Variants in CYP2W1 observed in about 807,000 individuals in gnomAD.
CYP2W1 encodes cytochrome P450 family 2 subfamily W member 1.
A neutral mutation model predicts 44.9 loss-of-function variants in CYP2W1; 51 were observed. The ratio of observed to expected loss-of-function variants is 1.14; its 90% CI spans 0.91 to 1.43. The LOEUF (loss-of-function observed/expected upper bound fraction) is 1.43, where lower values mean the gene tolerates loss of function less well. Ranked by LOEUF, CYP2W1 falls within the 40% of genes most tolerant of loss-of-function variation. The pLI is 0.00. For missense variants in CYP2W1, 746 were observed against 700.0 expected (o/e 1.07, Z -0.74); for synonymous variants, 383 against 338.3 (o/e 1.13, Z -1.45).
At position 987,263 on chromosome 7, in the gene CYP2W1, G is replaced by A. The variant is rs61420495; in HGVS notation, c.958+18G>A. On this transcript the variant is annotated intron_variant, in intron 6 of 8. Coordinates refer to ENST00000308919, the MANE Select transcript of CYP2W1 (RefSeq NM_017781.3). ...CGTGCAGGGTGAGACCCCGGCGCCTGGCGAGACGGCTCCTTCTGCCCCCGG... is the reference window on the plus strand; with the variant it reads ...CGTGCAGGGTGAGACCCCGGCGCCTAGCGAGACGGCTCCTTCTGCCCCCGG... The A allele has an allele frequency of 5.5e-3, 8,230 of 1,506,130 alleles. 249 individuals are homozygous for A. The African/African-American group carries it at 0.077, about 14-fold the overall frequency. The allele number at this position is 1,506,130 out of a possible 1,614,324, so 93.3% of individuals were successfully genotyped here.
chr7:985,020 G>A lies in CYP2W1; in HGVS notation c.408G>A (p.Leu136=), dbSNP rs757535411. 1.9e-6 allele frequency: 3 copies of A among 1,612,078 alleles called. No homozygotes were observed. The highest frequency in any genetic ancestry group is 1.1e-5 in the South Asian group (1 of 91,080). The change falls in exon 3 of 9, where the codon CTG becomes CTA. Residue 136 remains leucine, a synonymous_variant. Transcript: ENST00000308919. ...TCACGGTGCGTGCCCTGCACAGCCT[G>A]GGCGTGGGCCGGGAGCCGGTGGCTG... ...RQFTVRALHS[L]GVGREPVADK... is the part of the protein sequence containing the mutation.
chr7:986,757 C>T lies in CYP2W1; in HGVS notation c.779C>T (p.Pro260Leu), dbSNP rs1324426599. 2 of 1,603,056 alleles carry T rather than the reference C, an allele frequency of 1.2e-6. No homozygotes were observed. The highest frequency in any genetic ancestry group is 2.2e-5 in the South Asian group (2 of 89,894). ...ARRPHVCPGDPVCSYVDALIQ... is the reference protein window; with the variant it reads ...ARRPHVCPGDLVCSYVDALIQ... ...AGGCCCCACGTGTGCCCGGGGGACCCCGTGTGCAGCTATGTGGACGCCCTG... is the reference window on the plus strand; with the variant it reads ...AGGCCCCACGTGTGCCCGGGGGACCTCGTGTGCAGCTATGTGGACGCCCTG... Residue 260 changes from proline to leucine, a missense_variant, in exon 5 of 9, where the codon CCC becomes CTC. Coordinates refer to ENST00000308919, the MANE Select transcript of CYP2W1 (RefSeq NM_017781.3).
intron 7 of CYP2W1, among the ~76,000 whole-genome samples, chr7:988,026 G>A (rs1848524590): frequency 1.3e-5 from 2 of 151,358 alleles, no homozygotes; most frequent in South Asian, 4.2e-4. Flanking sequence ...GTGTGTCCTG[G>A]GGGTCCCCTC....
intron 1 of CYP2W1, 85 bp from the exon 2 acceptor site, chr7:984,327 T>A: frequency 4.7e-6 from 7 of 1,475,282 alleles, no homozygotes; most frequent in Admixed American, 2.3e-5. Context: ...TCCCCACCCC[T>A]ACCCAGCACA....
intron 5 of CYP2W1, 118 bp downstream of exon 5, chr7:986,915 TG>T: frequency 7.5e-7 from 1 of 1,330,806 alleles, no homozygotes; most frequent in Non-Finnish European, 9.9e-7. Context: ...ACCTCCTGGC[TG>T]GGGGCCTCTC....
chr7:985,964 C>T (rs976980849), intron 4 of CYP2W1, among the ~76,000 whole-genome samples: 1 of 152,146 alleles, frequency 6.6e-6, no homozygotes, highest in African/African-American at 2.4e-5. Context: ...TCCACCCGTC[C>T]TAGCCAGGGT....
chr7:987,381 C>A lies in CYP2W1; in HGVS notation c.993C>A (p.Gly331=). The A allele has an allele frequency of 6.3e-7, 1 of 1,594,692 alleles. No individual in the cohort carries two copies. The highest frequency in any genetic ancestry group is 8.5e-7 in the Non-Finnish European group (1 of 1,177,532). Reference sequence around the variant, plus strand: ...AGGAGGAGCTAGACCGCGTGCTGGGCCCTGGGCGGACTCCCCGGCTGGAGG... The same window carrying A: ...AGGAGGAGCTAGACCGCGTGCTGGGACCTGGGCGGACTCCCCGGCTGGAGG... ...RVQEELDRVL[G]PGRTPRLEDQ... is the part of the protein sequence containing the mutation. The change falls in exon 7 of 9, where the codon GGC becomes GGA. Residue 331 remains glycine, a synonymous_variant. Transcript: ENST00000308919.
In CYP2W1 at chr7:989,131, C is replaced by G. The variant is rs1417789307; in HGVS notation, c.*309C>G. The G allele has an allele frequency of 5.1e-6, 2 of 392,088 alleles. No homozygotes were observed. Among genetic ancestry groups the G allele is most frequent in the Non-Finnish European group, 4.6e-6 (1 of 218,444 alleles). The allele number at this position is 392,088 out of a possible 1,614,324, so 24.3% of individuals were successfully genotyped here. On this transcript the variant is annotated 3_prime_UTR_variant, in exon 9 of 9. Coordinates refer to ENST00000308919, the MANE Select transcript of CYP2W1 (RefSeq NM_017781.3). ...TGCACTCCCACCCACCTAGCTCCCC[C>G]CAGGGCCCCCCAGCACCTACAGCTG...
At position 988,360 on chromosome 7, in the gene CYP2W1, T is replaced by A; in HGVS notation, c.1227T>A (p.His409Gln). Residue 409 changes from histidine to glutamine, a missense_variant, in exon 8 of 9, where the codon CAT becomes CAA. His to Gln is a conservative substitution (Grantham distance 24). Transcript: ENST00000308919. ...WQTPGQFNPG[H>Q]FLDANGHFVK... ...CCCCAGGCCAGTTCAACCCCGGCCA[T>A]TTCCTGGACGCGAATGGGCACTTTG... The A allele has an allele frequency of 6.2e-7, 1 of 1,612,666 alleles. No homozygotes were observed. Among genetic ancestry groups the A allele is most frequent in the Non-Finnish European group, 8.5e-7 (1 of 1,179,814 alleles).
intron 7 of CYP2W1, 21 bp from the exon 8 acceptor site, chr7:988,256 G>C: frequency 6.4e-7 from 1 of 1,561,002 alleles, no homozygotes; most frequent in Non-Finnish European, 8.7e-7. Context: ...CCCTCTCTCT[G>C]TGCCCCGGCT....
Position 984,460 on chromosome 7 carries a change from A to G in CYP2W1, c.223A>G (p.Lys75Glu), listed in dbSNP as rs370828705. The change falls in exon 2 of 9, where the codon AAG (lysine) becomes GAG (glutamate). Residue 75 changes from lysine (K) to glutamate (E), a missense_variant. Physicochemically the swap from Lys to Glu is moderately conservative, Grantham distance 56 (BLOSUM62 1). Transcript: ENST00000308919. ...GTTCACCGTGCACCTGGGGCGCCAG[A>G]AGACGGTGGTGCTGACGGGGTTCGA... is the stretch of plus-strand genomic sequence containing the variant. The part of the protein sequence containing the change: ...PVFTVHLGRQ[K>E]TVVLTGFEAV... 4 of 1,550,778 alleles carry G rather than the reference A, an allele frequency of 2.6e-6. No individual in the cohort carries two copies. Among genetic ancestry groups the G allele is most frequent in the East Asian group, 4.9e-5 (2 of 41,110 alleles).
At chr7:987,913 TGGGGATCCCCTGTGTGTCCTGG>T (rs1209489215) in intron 7 of CYP2W1, among the ~76,000 whole-genome samples, 2 of 138,998 alleles carry the variant, frequency 1.4e-5, no homozygotes, top group African/African-American at 6.3e-5. Flanking sequence ...CTGTGTGTCC[TGGGGATCCCCTGTGTGTCCTGG>T]GGGGGTCCCC....
At chr7:988,242 G>A (rs532649019) in intron 7 of CYP2W1, 35 bp from the exon 8 acceptor site, 3 of 1,546,636 alleles carry the variant, frequency 1.9e-6, no homozygotes, top group Admixed American at 3.8e-5. Flanking sequence ...ATCTTCCCCG[G>A]GGCCCCTCTC....
chr7:988,458 G>A, intron 8 of CYP2W1, 40 bp downstream of exon 8: 1 of 1,609,996 alleles, frequency 6.2e-7, no homozygotes, highest in Non-Finnish European at 8.5e-7. Context: ...GGCACCTCCA[G>A]GGCTCCAGGG....
chr7:987,903 C>G lies in CYP2W1; in HGVS notation c.1143+372C>G, dbSNP rs1848499608. On this transcript the variant is annotated intron_variant, in intron 7 of 8. Coordinates refer to ENST00000308919, the MANE Select transcript of CYP2W1 (RefSeq NM_017781.3). ...CCCTGTGTGTCCTGAGGGGTCCCCT[C>G]TGTGTGTCCTGGGGATCCCCTGTGT... 3.4e-5 allele frequency among the ~76,000 whole-genome samples: 5 copies of G among 145,050 alleles called. No individual in the cohort carries two copies. In the South Asian group the frequency reaches 1.1e-3, roughly 31 times the overall value.
In CYP2W1 at chr7:983,583, T is replaced by C. The variant is rs576065874; in HGVS notation, c.174+198T>C. 9.9e-5 allele frequency among the ~76,000 whole-genome samples: 15 copies of C among 152,196 alleles called. No individual in the cohort carries two copies. The East Asian group carries it at 2.9e-3, about 29-fold the overall frequency. Reference sequence around the variant, plus strand: ...CCGTCCCACAGGGAAGCAGACACACTGAGTACGAAGAAGCCCTGGAGGTGC... The same window carrying C: ...CCGTCCCACAGGGAAGCAGACACACCGAGTACGAAGAAGCCCTGGAGGTGC... On this transcript the variant is annotated intron_variant, in intron 1 of 8. Transcript: ENST00000308919.
In CYP2W1 at chr7:988,584, TC is replaced by T. The variant is rs773547847; in HGVS notation, c.1286-49del. ...CCTGGGGAGGTCCCCACCCCTCCCC[TC>T]CAGGAGCAGGCCTGGTGCAGCCCAC... On this transcript the variant is annotated intron_variant, in intron 8 of 8. Coordinates refer to ENST00000308919, the MANE Select transcript of CYP2W1 (RefSeq NM_017781.3). 56 of 1,597,402 alleles carry T rather than the reference TC, an allele frequency of 3.5e-5. No individual in the cohort carries two copies. In the African/African-American group the frequency reaches 6.5e-4, roughly 18 times the overall value.
Position 986,735 on chromosome 7 carries a change from C to A in CYP2W1, c.757C>A (p.Pro253Thr). 6.2e-7 allele frequency: 1 copy of A among 1,609,734 alleles called. No individual in the cohort carries two copies. Among genetic ancestry groups the A allele is most frequent in the Non-Finnish European group, 8.5e-7 (1 of 1,178,154 alleles). Residue 253 changes from proline to threonine, a missense_variant, in exon 5 of 9, where the codon CCC becomes ACC. Physicochemically the swap from Pro to Thr is conservative, Grantham distance 38 (BLOSUM62 -1). Coordinates refer to ENST00000308919, the MANE Select transcript of CYP2W1 (RefSeq NM_017781.3). ...GAGGACCCTCCTGGAGGCGCGGAGG[C>A]CCCACGTGTGCCCGGGGGACCCCGT... ...ILRTLLEARR[P>T]HVCPGDPVCS...
chr7:983,497 G>A, intron 1 of CYP2W1, 112 bp downstream of exon 1: 1 of 1,121,396 alleles, frequency 8.9e-7, no homozygotes, highest in Non-Finnish European at 1.2e-6. Flanking sequence ...ATGGTGCCGG[G>A]CCCAGCGGGG....
Sources: gnomAD v4.1 joint callset for allele counts (sites outside exome capture counted in the v4.1 genomes callset) on GRCh38, gnomAD v4.1.1 for gene constraint, MANE v1.5 for transcripts, NCBI Gene and HGNC (gene_info 2026-07-23, HGNC 2026-07-21) for gene names.